MACF1: variants seen among roughly 807,000 people sequenced by gnomAD.
MACF1 encodes the protein microtubule-actin cross-linking factor 1.
In MACF1, 193 loss-of-function variants were observed where a neutral mutation model predicts 854.8. That is an observed-to-expected ratio of 0.23 (90% confidence interval 0.20 to 0.25). The LOEUF (loss-of-function observed/expected upper bound fraction) is 0.25, where lower values mean the gene tolerates loss of function less well. Ranked by LOEUF, MACF1 falls within the 10% of genes least tolerant of loss-of-function variation. MACF1 has a pLI of 1.00. For synonymous variants in MACF1, 3,185 were observed against 3,226.7 expected, an observed-to-expected ratio of 0.99 and a Z score of 0.44; for missense variants, 7,722 against 8,929.1, an observed-to-expected ratio of 0.86 and a Z score of 5.45.
chr1:39,394,262 G>T (rs150779307), intron 58 of MACF1, among the ~76,000 whole-genome samples: 4,284 of 149,180 alleles, frequency 0.029, 86 homozygotes, highest in Middle Eastern at 0.071. Context: ...TTGATTGATT[G>T]ATTGATTGAT....
At chr1:39,155,406 GA>G (rs775860574) in intron 2 of MACF1, among the ~76,000 whole-genome samples, 115 of 152,218 alleles carry the variant, frequency 7.6e-4, no homozygotes, top group Non-Finnish European at 1.3e-3. Context: ...CTTTAGGTGG[GA>G]AGAGTCTCTG....
chr1:39,385,991 G>T, intron 57 of MACF1, 62 bp downstream of exon 57: 5 of 1,505,718 alleles, frequency 3.3e-6, no homozygotes, highest in Non-Finnish European at 4.5e-6. Context: ...GAAGGAATGG[G>T]TTAGGAGTAG....
At chr1:39,436,103 C>A in intron 70 of MACF1, 1 of 398,478 alleles carries the variant, frequency 2.5e-6, no homozygotes, top group South Asian at 4.6e-5. Flanking sequence ...CTTATTGAAC[C>A]TGTTACTTTT....
chr1:39,155,441 G>A (rs1032089168), intron 2 of MACF1, among the ~76,000 whole-genome samples: 1 of 152,072 alleles, frequency 6.6e-6, no homozygotes, highest in East Asian at 1.9e-4. Flanking sequence ...AAAGCAAAAG[G>A]AACCAGCTCT....
At chr1:39,205,437 C>G (rs1206105254) in intron 1 of MACF1, among the ~76,000 whole-genome samples, 4 of 152,140 alleles carry the variant, frequency 2.6e-5, no homozygotes, top group Non-Finnish European at 4.4e-5. Context: ...TTAGTCTTTC[C>G]TCAGAGAACT....
intron 70 of MACF1, among the ~76,000 whole-genome samples, chr1:39,437,472 G>A (rs922806293): frequency 4.6e-5 from 7 of 151,796 alleles, no homozygotes; most frequent in African/African-American, 1.7e-4. Flanking sequence ...CACCACACCC[G>A]GCTAATTTTT....
At position 39,285,240 on chromosome 1, in the gene MACF1, ATTAT is replaced by A. The variant is rs754839071; in HGVS notation, c.1259+36_1259+39del. 11 of 1,614,080 alleles carry A rather than the reference ATTAT, an allele frequency of 6.8e-6. No homozygotes were observed. The South Asian group carries it at 1.2e-4, about 18-fold the overall frequency. ...GTCCAGATCCTGAGAGTGGTCTGAC[ATTAT>A]TTATTGAGCTGCTGTGAACCTTGCA... is the stretch of plus-strand genomic sequence containing the variant. On this transcript the variant is annotated intron_variant, in intron 12 of 100. Coordinates refer to ENST00000564288, the MANE Select transcript of MACF1 (RefSeq NM_001394062.1).
intron 94 of MACF1, 138 bp downstream of exon 94, chr1:39,463,824 T>C (rs1644606709): frequency 5.9e-6 from 4 of 676,270 alleles, no homozygotes; most frequent in South Asian, 5.1e-5. Context: ...TCTCTATAGA[T>C]GCCAAGTGTC....
At chr1:39,254,781 A>G (rs1001360845) in intron 5 of MACF1, 3 of 191,916 alleles carry the variant, frequency 1.6e-5, no homozygotes, top group African/African-American at 4.7e-5. Context: ...GGAATGCCAC[A>G]TCAGATCTGA....
At chr1:39,467,957 G>T (rs1033051575) in intron 95 of MACF1, 1 of 152,146 alleles carries the variant, frequency 6.6e-6, no homozygotes, top group Non-Finnish European at 1.5e-5. Flanking sequence ...AAACAAATTA[G>T]CATGCCAAGA....
intron 2 of MACF1, among the ~76,000 whole-genome samples, chr1:39,182,980 A>G (rs557759335): frequency 2.0e-5 from 3 of 152,366 alleles, no homozygotes; most frequent in South Asian, 4.1e-4. Context: ...TGAATGGATA[A>G]ACACACTGTG....
At chr1:39,121,742 C>A (rs1361379671) in intron 2 of MACF1, among the ~76,000 whole-genome samples, 1 of 152,178 alleles carries the variant, frequency 6.6e-6, no homozygotes, top group Non-Finnish European at 1.5e-5. Flanking sequence ...GCCACCGCGC[C>A]AGGCCAGTCT....
chr1:39,479,987 C>G lies in MACF1; in HGVS notation c.22148C>G (p.Ala7383Gly). The part of the protein sequence containing the change: ...HSCTSMPSSP[A>G]TPASGTKTSL... ...TGTACATCCATGCCATCTTCTCCAG[C>G]CACCCCAGCCAGTGGAACCAAGGTA... The change falls in exon 98 of 101, where the codon GCC becomes GGC. Residue 7383 changes from alanine (A) to glycine (G), a missense_variant. Transcript: ENST00000564288. 1 of 1,579,630 alleles carries G rather than the reference C, an allele frequency of 6.3e-7. No homozygotes were observed. Among genetic ancestry groups the G allele is most frequent in the Non-Finnish European group, 8.6e-7 (1 of 1,157,616 alleles).
chr1:39,207,994 G>A (rs1453298730), intron 1 of MACF1, among the ~76,000 whole-genome samples: 1 of 151,896 alleles, frequency 6.6e-6, no homozygotes, highest in Non-Finnish European at 1.5e-5. Context: ...ATTAGCTGGT[G>A]TGATGGCAGG....
chr1:39,393,247 G>C (rs1642126798), intron 58 of MACF1, among the ~76,000 whole-genome samples: 1 of 131,760 alleles, frequency 7.6e-6, no homozygotes, highest in African/African-American at 2.9e-5. Context: ...ATGATAACAA[G>C]AGATTTTCCT....
rs555680035 is a variant in MACF1, at chr1:39,166,091, T to C, written c.221-65091T>C. Among the ~76,000 whole-genome samples, 3 of 147,504 alleles carry C rather than the reference T, an allele frequency of 2.0e-5. No individual in the cohort carries two copies. In the South Asian group the frequency reaches 6.4e-4, roughly 31 times the overall value. On this transcript the variant is annotated intron_variant, in intron 2 of 93. Coordinates refer to the MACF1 transcript ENST00000361689. ...ACTAGATTTTTTTTTTTTTTTGAGA[T>C]GGAGTCTTGCTCTGTCACCCAGGCT...
chr1:39,237,883 C>G (rs751083303), intron 2 of MACF1, among the ~76,000 whole-genome samples: 1 of 151,756 alleles, frequency 6.6e-6, no homozygotes, highest in Non-Finnish European at 1.5e-5. Flanking sequence ...TTAATGAAAA[C>G]GTTAAACATA....
At chr1:39,292,922 A>G in intron 17 of MACF1, 79 bp downstream of exon 17, 1 of 1,229,260 alleles carries the variant, frequency 8.1e-7, no homozygotes, top group Middle Eastern at 1.9e-4. Flanking sequence ...TAATTCAGAA[A>G]TCTCCTGGTT....
At position 39,123,203 on chromosome 1, in the gene MACF1, A is replaced by ATTTTTT. The variant is rs10585991; in HGVS notation, c.220+38784_220+38789dup. On this transcript the variant is annotated intron_variant, in intron 2 of 93. Transcript: ENST00000361689. ...GCTTGTTAGATACATATATATATAA[A>ATTTTTT]TTTTTTTTTTTTTTTTTTTTTTTTG... 8.9e-5 allele frequency among the ~76,000 whole-genome samples: 10 copies of ATTTTTT among 111,918 alleles called. 1 individual carries two copies. Among genetic ancestry groups the ATTTTTT allele is most frequent in the Non-Finnish European group, 1.4e-4 (8 of 56,878 alleles). 73.4% of individuals were successfully genotyped at this position (111,918 alleles called of 152,430 possible).
Sources: gnomAD v4.1 joint callset for allele counts (sites outside exome capture counted in the v4.1 genomes callset) on GRCh38, gnomAD v4.1.1 for gene constraint, MANE v1.5 for transcripts, NCBI Gene and HGNC (gene_info 2026-07-23, HGNC 2026-07-21) for gene names.